SLC35C1: variants seen among roughly 807,000 people sequenced by gnomAD.
SLC35C1 encodes the protein solute carrier family 35 member C1.
Under a neutral mutation model 23.2 loss-of-function variants are expected in SLC35C1, and 8 were observed. The ratio of observed to expected loss-of-function variants is 0.35; its 90% CI spans 0.20 to 0.62. The LOEUF (loss-of-function observed/expected upper bound fraction) is 0.62, where lower values mean the gene tolerates loss of function less well. Among genes scored for constraint, SLC35C1 ranks in the 20% least tolerant of loss-of-function variants. The pLI, the probability that SLC35C1 is intolerant of heterozygous loss-of-function variation, is 0.75. For missense variants in SLC35C1, 422 were observed against 478.6 expected (o/e 0.88, Z 1.10); for synonymous variants, 226 against 225.1 (o/e 1.00, Z -0.04).
chr11:45,806,431 C>G (rs2085879272), intron 1 of SLC35C1, 95 bp downstream of exon 1: 1 of 1,472,152 alleles, frequency 6.8e-7, no homozygotes, highest in African/African-American at 1.4e-5. Flanking sequence ...TTCATCTGTC[C>G]CAGCTCCTTT....
At position 45,805,309 on chromosome 11, in the gene SLC35C1, A is replaced by C. The variant is rs1590742154; in HGVS notation, c.-493A>C. ...CCTCCAGCCGCGCCCGGCCTCCGGCAGCTCCCTGTACGCCTCCCTCCCCCT... is the reference window on the plus strand; with the variant it reads ...CCTCCAGCCGCGCCCGGCCTCCGGCCGCTCCCTGTACGCCTCCCTCCCCCT... On this transcript the variant is annotated 5_prime_UTR_variant, in exon 1 of 2. Coordinates refer to ENST00000314134, the MANE Select transcript of SLC35C1 (RefSeq NM_018389.5). 9.9e-7 allele frequency: 1 copy of C among 1,011,936 alleles called. No homozygotes were observed. The highest frequency in any genetic ancestry group is 1.2e-6 in the Non-Finnish European group (1 of 848,446). The allele number at this position is 1,011,936 out of a possible 1,614,324, so 62.7% of individuals were successfully genotyped here. A position where few individuals can be genotyped will look rare whatever the true frequency, so the allele number is the denominator to read the frequency against.
At chr11:45,809,975 C>G (rs1590746351) in intron 1 of SLC35C1, 1 of 984,650 alleles carries the variant, frequency 1.0e-6, no homozygotes, top group Non-Finnish European at 1.2e-6. Flanking sequence ...CAACTTTGAC[C>G]TTGACAGATG....
At chr11:45,806,732 C>A in intron 1 of SLC35C1, 1 of 190,572 alleles carries the variant, frequency 5.2e-6, no homozygotes, top group Non-Finnish European at 9.7e-6. Flanking sequence ...CAAGATCACC[C>A]AGCTAATAAG....
Position 45,811,584 on chromosome 11 carries a change from T to C in SLC35C1, c.*249T>C. 2.3e-6 allele frequency: 1 copy of C among 436,342 alleles called. No homozygotes were observed. Among genetic ancestry groups the C allele is most frequent in the Non-Finnish European group, 4.0e-6 (1 of 247,038 alleles). The allele number at this position is 436,342 out of a possible 1,614,324, so 27.0% of individuals were successfully genotyped here. A position where few individuals can be genotyped will look rare whatever the true frequency, so the allele number is the denominator to read the frequency against. ...AAACCCTTCTCTATCCTCTCGTATT[T>C]CTGAGTTTTTGTCCTTCCCGAGGGA... On this transcript the variant is annotated 3_prime_UTR_variant, in exon 2 of 2. Coordinates refer to ENST00000314134, the MANE Select transcript of SLC35C1 (RefSeq NM_018389.5).
In SLC35C1 at chr11:45,805,728, A is replaced by G. The variant is rs1327344882; in HGVS notation, c.-74A>G. ...GGGCTGCGGCTTCCTTGCGGAGAGC[A>G]CAAGTGAGCTCACTGCCCTGGACTC... On this transcript the variant is annotated 5_prime_UTR_variant, in exon 1 of 2. Coordinates refer to ENST00000314134, the MANE Select transcript of SLC35C1 (RefSeq NM_018389.5). The G allele has an allele frequency of 1.3e-6, 2 of 1,599,942 alleles. No homozygotes were observed.
Position 45,805,335 on chromosome 11 carries a change from G to GGGCCCCC in SLC35C1, c.-467_-466insGGCCCCC. On this transcript the variant is annotated 5_prime_UTR_variant, in exon 1 of 2. Transcript: ENST00000314134. The stretch of plus-strand genomic sequence containing the variant: ...GCTCCCTGTACGCCTCCCTCCCCCT[G>GGGCCCCC]CCCGCCCCTCCCTCCCACAGCCGCC... 33 of 566,160 alleles carry GGGCCCCC rather than the reference G, an allele frequency of 5.8e-5. No homozygotes were observed. The highest frequency in any genetic ancestry group is 6.4e-5 in the Non-Finnish European group (31 of 483,422). 35.1% of individuals were successfully genotyped at this position (566,160 alleles called of 1,614,324 possible). A position where few individuals can be genotyped will look rare whatever the true frequency, so the allele number is the denominator to read the frequency against.
intron 1 of SLC35C1, among the ~76,000 whole-genome samples, chr11:45,808,564 TC>T (rs930809614): frequency 3.3e-5 from 5 of 152,214 alleles, no homozygotes; most frequent in Admixed American, 6.5e-5. Flanking sequence ...GCTTCTGGAC[TC>T]AGAAGGTAAC....
chr11:45,806,207 A>G lies in SLC35C1; in HGVS notation c.406A>G (p.Lys136Glu). The stretch of plus-strand genomic sequence containing the variant: ...GATCACCTTCAATAACCTCTGCCTC[A>G]AGTACGTCGGTGTGGCCTTCTACAA... The part of the protein sequence containing the change: ...GMITFNNLCL[K>E]YVGVAFYNVG... Residue 136 changes from lysine to glutamate, a missense_variant, in exon 1 of 2, where the codon AAG becomes GAG. By Grantham distance (56) the Lys-to-Glu change is moderately conservative (BLOSUM62 1). Coordinates refer to ENST00000314134, the MANE Select transcript of SLC35C1 (RefSeq NM_018389.5). The G allele has an allele frequency of 6.2e-7, 1 of 1,605,692 alleles. No homozygotes were observed. Among genetic ancestry groups the G allele is most frequent in the South Asian group, 1.1e-5 (1 of 91,054 alleles).
rs761791906 is a variant in SLC35C1 at position 45,811,180 on chromosome 11, T to C, written c.940T>C (p.Tyr314His). ...ACAQTVLAVLYYEETKSFLWW... is the reference protein window; with the variant it reads ...ACAQTVLAVLHYEETKSFLWW... ...TGCCCAGACAGTGCTGGCCGTGCTC[T>C]ACTACGAGGAGACCAAGAGCTTCCT... is the stretch of plus-strand genomic sequence containing the variant. The change falls in exon 2 of 2, where the codon TAC (tyrosine) becomes CAC (histidine). Residue 314 changes from tyrosine (Y) to histidine (H), a missense_variant. Tyr to His is a moderately conservative substitution (Grantham distance 83). Coordinates refer to ENST00000314134, the MANE Select transcript of SLC35C1 (RefSeq NM_018389.5). 14 of 1,611,964 alleles carry C rather than the reference T, an allele frequency of 8.7e-6. No individual in the cohort carries two copies. The South Asian group carries it at 1.5e-4, about 18-fold the overall frequency.
chr11:45,810,646 G>GC lies in SLC35C1; in HGVS notation c.536-130_536-129insC. ...ACTCTGGCTGTGCTTATTGGAGGGA[G>GC]GCCTGGGGAGGAACGGGGAGGGCCG... On this transcript the variant is annotated intron_variant, in intron 1 of 1. Transcript: ENST00000314134. The GC allele has an allele frequency of 2.1e-6, 3 of 1,452,766 alleles. No individual in the cohort carries two copies. The Admixed American group carries it at 7.4e-5, about 36-fold the overall frequency. The allele number at this position is 1,452,766 out of a possible 1,614,324, so 90.0% of individuals were successfully genotyped here. A position where few individuals can be genotyped will look rare whatever the true frequency, so the allele number is the denominator to read the frequency against.
In SLC35C1 at chr11:45,805,335, G is replaced by GGCCCCCCCCCCCCCC; in HGVS notation, c.-467_-466insGCCCCCCCCCCCCCC. On this transcript the variant is annotated 5_prime_UTR_variant, in exon 1 of 2. Transcript: ENST00000314134. ...GCTCCCTGTACGCCTCCCTCCCCCT[G>GGCCCCCCCCCCCCCC]CCCGCCCCTCCCTCCCACAGCCGCC... 1 of 566,218 alleles carries GGCCCCCCCCCCCCCC rather than the reference G, an allele frequency of 1.8e-6. No homozygotes were observed. Among genetic ancestry groups the GGCCCCCCCCCCCCCC allele is most frequent in the Non-Finnish European group, 2.1e-6 (1 of 483,470 alleles). The allele number at this position is 566,218 out of a possible 1,614,324, so 35.1% of individuals were successfully genotyped here.
At chr11:45,807,559 T>C (rs2085890347) in intron 1 of SLC35C1, among the ~76,000 whole-genome samples, 1 of 152,116 alleles carries the variant, frequency 6.6e-6, no homozygotes, top group Non-Finnish European at 1.5e-5. Flanking sequence ...TGCTATAAAG[T>C]TTATCTTATT....
Position 45,811,137 on chromosome 11 carries a change from G to C in SLC35C1, c.897G>C (p.Ser299=), listed in dbSNP as rs141170131. The C allele has an allele frequency of 1.2e-6, 2 of 1,612,010 alleles. No individual in the cohort carries two copies. The highest frequency in any genetic ancestry group is 1.7e-6 in the Non-Finnish European group (2 of 1,179,992). ...CCAGTCCGCTGACCCACAATGTGTC[G>C]GGCACGGCCAAGGCCTGTGCCCAGA... is the stretch of plus-strand genomic sequence containing the variant. ...KFTSPLTHNV[S]GTAKACAQTV... is the part of the protein sequence containing the mutation. The change falls in exon 2 of 2, where the codon TCG becomes TCC. Residue 299 remains serine (S), a synonymous_variant. Coordinates refer to ENST00000314134, the MANE Select transcript of SLC35C1 (RefSeq NM_018389.5).
At position 45,805,395 on chromosome 11, in the gene SLC35C1, C is replaced by G; in HGVS notation, c.-407C>G. 1.3e-5 allele frequency: 13 copies of G among 1,019,932 alleles called. No individual in the cohort carries two copies. The highest frequency in any genetic ancestry group is 1.5e-5 in the Non-Finnish European group (13 of 849,564). 63.2% of individuals were successfully genotyped at this position (1,019,932 alleles called of 1,614,324 possible). On this transcript the variant is annotated 5_prime_UTR_variant, in exon 1 of 2. Coordinates refer to ENST00000314134, the MANE Select transcript of SLC35C1 (RefSeq NM_018389.5). ...CTCTCGGCACCTCTTCCCACTCTGC[C>G]ACGCGTCCTTTTCCTGCACCTTCGC... is the stretch of plus-strand genomic sequence containing the variant.
chr11:45,812,912 T>TC lies in SLC35C1; in HGVS notation c.*1583dup, dbSNP rs561198671. ...GAAAAGCTAGGGAGAGCGGGTCTTC[T>TC]CCCCCCTCCCTCTCCAGTCCCCTCA... On this transcript the variant is annotated 3_prime_UTR_variant, in exon 2 of 2. Coordinates refer to ENST00000314134, the MANE Select transcript of SLC35C1 (RefSeq NM_018389.5). The TC allele has an allele frequency of 2.5e-4, 76 of 301,164 alleles. No individual in the cohort carries two copies. The highest frequency in any genetic ancestry group is 2.2e-3 in the South Asian group (73 of 33,086). The allele number at this position is 301,164 out of a possible 1,614,324, so 18.7% of individuals were successfully genotyped here. A position where few individuals can be genotyped will look rare whatever the true frequency, so the allele number is the denominator to read the frequency against.
chr11:45,812,498 G>C lies in SLC35C1; in HGVS notation c.*1163G>C, dbSNP rs990099441. On this transcript the variant is annotated 3_prime_UTR_variant, in exon 2 of 2. Transcript: ENST00000314134. ...AGTCCTGGGGGGCTGGGACGCCCAA[G>C]ATCAAGAGGCCAGCAGATTCGGACT... The C allele has an allele frequency of 4.4e-6, 2 of 455,362 alleles. No individual in the cohort carries two copies. The highest frequency in any genetic ancestry group is 8.8e-6 in the Non-Finnish European group (2 of 226,406). The allele number at this position is 455,362 out of a possible 1,614,324, so 28.2% of individuals were successfully genotyped here. A position where few individuals can be genotyped will look rare whatever the true frequency, so the allele number is the denominator to read the frequency against.
In SLC35C1 at chr11:45,805,435, C is replaced by G; in HGVS notation, c.-367C>G. 1 of 1,115,064 alleles carries G rather than the reference C, an allele frequency of 9.0e-7. No individual in the cohort carries two copies. The highest frequency in any genetic ancestry group is 1.1e-6 in the Non-Finnish European group (1 of 904,234). 69.1% of individuals were successfully genotyped at this position (1,115,064 alleles called of 1,614,324 possible). On this transcript the variant is annotated 5_prime_UTR_variant, in exon 1 of 2. Coordinates refer to ENST00000314134, the MANE Select transcript of SLC35C1 (RefSeq NM_018389.5). ...TGCACCTTCGCCCCGCGTACCTACT[C>G]CTGCCCCGCCCTGCCATTCCTCTCC...
At chr11:45,809,580 G>A (rs374632051) in intron 1 of SLC35C1, among the ~76,000 whole-genome samples, 1 of 152,162 alleles carries the variant, frequency 6.6e-6, no homozygotes, top group East Asian at 1.9e-4. Flanking sequence ...GGACCGATCT[G>A]GACTTCAGGA....
chr11:45,805,306 G>A lies in SLC35C1; in HGVS notation c.-496G>A. ...CTCCCTCCAGCCGCGCCCGGCCTCC[G>A]GCAGCTCCCTGTACGCCTCCCTCCC... On this transcript the variant is annotated 5_prime_UTR_variant, in exon 1 of 2. Transcript: ENST00000314134. 8 of 1,014,722 alleles carry A rather than the reference G, an allele frequency of 7.9e-6. No homozygotes were observed. The highest frequency in any genetic ancestry group is 9.4e-6 in the Non-Finnish European group (8 of 849,398). 62.9% of individuals were successfully genotyped at this position (1,014,722 alleles called of 1,614,324 possible).
Sources: allele counts gnomAD v4.1 joint callset (sites outside exome capture counted in the v4.1 genomes callset), GRCh38; gene constraint gnomAD v4.1.1; transcripts MANE v1.5; gene names NCBI Gene and HGNC (gene_info 2026-07-23, HGNC 2026-07-21).